SERPINB8: variants seen among roughly 807,000 people sequenced by gnomAD.
The protein encoded by SERPINB8 is serpin family B member 8.
SERPINB8 carries 25 observed loss-of-function variants against 35.3 expected under a neutral mutation model. That is an observed-to-expected ratio of 0.71 (90% CI 0.52 to 0.99). The LOEUF is 0.99. Ranked by LOEUF, SERPINB8 falls within the 50% of genes least tolerant of loss-of-function variation. The probability of loss-of-function intolerance (pLI) is 0.00; values close to 1 mark genes in which losing one functional copy is unlikely to be tolerated. For missense variants in SERPINB8, 484 were observed against 446.5 expected, an observed-to-expected ratio of 1.08 and a Z score of -0.76; for synonymous variants, 186 against 160.8, an observed-to-expected ratio of 1.16 and a Z score of -1.19.
At chr18:63,976,815 C>A (rs1156354177) in intron 1 of SERPINB8, among the ~76,000 whole-genome samples, 2 of 152,170 alleles carry the variant, frequency 1.3e-5, no homozygotes, top group African/African-American at 4.8e-5. Flanking sequence ...TATTTTATAT[C>A]CATGCCTATG....
At chr18:63,978,571 T>A (rs1211042526) in intron 2 of SERPINB8, 95 bp downstream of exon 2, 4 of 1,425,782 alleles carry the variant, frequency 2.8e-6, no homozygotes, top group Admixed American at 4.0e-5. Flanking sequence ...CTGAGGCCTG[T>A]GGAGCTGGAG....
At chr18:63,973,852 G>A (rs2050534887) in intron 1 of SERPINB8, among the ~76,000 whole-genome samples, 1 of 152,210 alleles carries the variant, frequency 6.6e-6, no homozygotes, top group Non-Finnish European at 1.5e-5. Context: ...CTATATCTCT[G>A]TTTTGGTACC....
chr18:64,000,921 C>T (rs1212605595), intron 1 of SERPINB8, among the ~76,000 whole-genome samples: 1 of 152,178 alleles, frequency 6.6e-6, no homozygotes, highest in African/African-American at 2.4e-5. Context: ...TTTGGTTTTA[C>T]TTCATGTATT....
At chr18:64,003,849 TA>T (rs1319454252) in intron 1 of SERPINB8, among the ~76,000 whole-genome samples, 1 of 152,178 alleles carries the variant, frequency 6.6e-6, no homozygotes, top group Non-Finnish European at 1.5e-5. Context: ...CAGTCAGCTT[TA>T]CTTGGTGTAC....
chr18:63,989,670 G>A (rs1424694101), downstream of SERPINB8, among the ~76,000 whole-genome samples: 2 of 152,082 alleles, frequency 1.3e-5, no homozygotes, highest in Admixed American at 6.5e-5. Flanking sequence ...TAGGCCGGGC[G>A]CGGTGGCTCA....
chr18:63,975,729 TG>T (rs2050571100), intron 1 of SERPINB8, among the ~76,000 whole-genome samples: 1 of 152,230 alleles, frequency 6.6e-6, no homozygotes, highest in African/African-American at 2.4e-5. Flanking sequence ...CTCACTTTTT[TG>T]TTTAAGTAAG....
chr18:64,014,784 T>C (rs576696740), intron 7 of SERPINB8, among the ~76,000 whole-genome samples: 138 of 152,276 alleles, frequency 9.1e-4, no homozygotes, highest in African/African-American at 3.1e-3. Context: ...ATGCCGTTTT[T>C]AAAAATTCCT....
At chr18:63,972,245 T>G (rs138928369) in intron 1 of SERPINB8, among the ~76,000 whole-genome samples, 52 of 152,278 alleles carry the variant, frequency 3.4e-4, no homozygotes, top group Middle Eastern at 6.8e-3. Flanking sequence ...ACGACATAGT[T>G]TTACTGTCTA....
rs528793967 is a variant in SERPINB8, at chr18:63,978,354, T to C, written c.46T>C (p.Phe16Leu). ...AAATGGCACTTTTGCCATCAGCTTA[T>C]TTAAAATATTGGGGGAAGAGGACAA... ...EANGTFAISL[F>L]KILGEEDNSR... The change falls in exon 2 of 7, where the codon TTT (phenylalanine) becomes CTT (leucine). Residue 16 changes from phenylalanine to leucine, a missense_variant. By Grantham distance (22) the Phe-to-Leu change is conservative (BLOSUM62 0). Coordinates refer to ENST00000397985, the MANE Select transcript of SERPINB8 (RefSeq NM_002640.4). 1.2e-6 allele frequency: 2 copies of C among 1,614,214 alleles called. No homozygotes were observed. The highest frequency in any genetic ancestry group is 3.3e-5 in the Admixed American group (2 of 60,026).
At chr18:63,977,044 G>A (rs994105422) in intron 1 of SERPINB8, among the ~76,000 whole-genome samples, 13 of 151,910 alleles carry the variant, frequency 8.6e-5, no homozygotes, top group Non-Finnish European at 5.9e-5. Context: ...TATTGATAAA[G>A]AATTACATAT....
At chr18:64,006,180 G>C (rs941258365), downstream of SERPINB8, among the ~76,000 whole-genome samples, 1 of 152,146 alleles carries the variant, frequency 6.6e-6, no homozygotes, top group African/African-American at 2.4e-5. Flanking sequence ...GTGAGTGCTG[G>C]GATGAGAGGG....
intron 1 of SERPINB8, among the ~76,000 whole-genome samples, chr18:63,975,112 TACAC>T (rs60613919): frequency 0.25 from 36,634 of 147,332 alleles, 4,811 homozygotes; most frequent in African/African-American, 0.37. Context: ...TAAACACACC[TACAC>T]ACACACACAC....
intron 3 of SERPINB8, 82 bp from the exon 4 acceptor site, chr18:63,981,639 T>A (rs1004076236): frequency 1.8e-5 from 16 of 904,948 alleles, no homozygotes; most frequent in Non-Finnish European, 2.8e-5. Context: ...ATTGTAGAAA[T>A]GCAGTAAGAG....
chr18:63,988,485 A>G lies in SERPINB8; in HGVS notation c.*1207A>G, dbSNP rs2050795094. 6.6e-6 allele frequency: 1 copy of G among 152,192 alleles called. No homozygotes were observed. The allele number at this position is 152,192 out of a possible 1,614,324, so 9.4% of individuals were successfully genotyped here. The stretch of plus-strand genomic sequence containing the variant: ...CTCACATCCTTAATATATTTTTTAA[A>G]ATTCCTAACAATAGTACTGTTGAGA... On this transcript the variant is annotated 3_prime_UTR_variant, in exon 7 of 7. Transcript: ENST00000397985.
chr18:64,011,967 G>A (rs1245589540), intron 7 of SERPINB8, among the ~76,000 whole-genome samples: 1 of 152,102 alleles, frequency 6.6e-6, no homozygotes, highest in Non-Finnish European at 1.5e-5. Context: ...ATTATGTTTG[G>A]TGACAGTTAG....
downstream of SERPINB8, among the ~76,000 whole-genome samples, chr18:63,992,396 T>G (rs1414360815): frequency 6.6e-6 from 1 of 152,242 alleles, no homozygotes; most frequent in Admixed American, 6.5e-5. Flanking sequence ...GTTGTAAAGT[T>G]GTTTATAATA....
chr18:63,995,358 G>A (rs1266493625), intron 1 of SERPINB8, among the ~76,000 whole-genome samples: 1 of 152,156 alleles, frequency 6.6e-6, no homozygotes, highest in Non-Finnish European at 1.5e-5. Context: ...GTCCTTCTTG[G>A]CCATGCTGAA....
chr18:64,007,616 G>A (rs1366586911), downstream of SERPINB8, among the ~76,000 whole-genome samples: 1 of 152,150 alleles, frequency 6.6e-6, no homozygotes, highest in African/African-American at 2.4e-5. Flanking sequence ...CTGCTTCTGG[G>A]GAGGCTTCCA....
At chr18:63,975,110 C>T (rs1437226775) in intron 1 of SERPINB8, among the ~76,000 whole-genome samples, 3 of 130,688 alleles carry the variant, frequency 2.3e-5, no homozygotes, top group Non-Finnish European at 4.7e-5. Context: ...ATTAAACACA[C>T]CTACACACAC....
Sources: allele counts gnomAD v4.1 joint callset (sites outside exome capture counted in the v4.1 genomes callset), GRCh38; gene constraint gnomAD v4.1.1; transcripts MANE v1.5; gene names NCBI Gene and HGNC (gene_info 2026-07-23, HGNC 2026-07-21).